The following EIF4G3 variants were observed in gnomAD, a reference collection of about 807,000 sequenced individuals.
The protein encoded by EIF4G3 is eIF-4-gamma 3.
EIF4G3 carries 34 observed loss-of-function variants against 186.4 expected under a neutral mutation model. The ratio of observed to expected loss-of-function variants is 0.18; its 90% CI spans 0.14 to 0.24. EIF4G3 has a LOEUF of 0.24. EIF4G3 is among the 10% of genes least tolerant of loss of function. The probability of loss-of-function intolerance (pLI) is 1.00; values close to 1 mark genes in which losing one functional copy is unlikely to be tolerated. For missense variants in EIF4G3, 1,536 were observed against 1,948.5 expected (o/e 0.79, Z 3.99); for synonymous variants, 673 against 679.5 (o/e 0.99, Z 0.15).
intron 2 of EIF4G3, among the ~76,000 whole-genome samples, chr1:21,172,682 G>A (rs929847181): frequency 2.2e-4 from 33 of 152,022 alleles, no homozygotes; most frequent in Non-Finnish European, 4.6e-4. Flanking sequence ...CCAAGTAGCT[G>A]GGACTACAGG....
intron 7 of EIF4G3, among the ~76,000 whole-genome samples, chr1:20,989,866 G>A (rs1425757507): frequency 6.6e-6 from 1 of 152,166 alleles, no homozygotes; most frequent in Non-Finnish European, 1.5e-5. Flanking sequence ...ATGCTGCAGA[G>A]AAATCTTTCA....
Position 20,981,240 on chromosome 1 carries a change from G to GA in EIF4G3, c.199-14dup, listed in dbSNP as rs199719743. 6.0e-4 allele frequency: 870 copies of GA among 1,449,546 alleles called. No homozygotes were observed. Among genetic ancestry groups the GA allele is most frequent in the Middle Eastern group, 1.4e-3 (7 of 5,126 alleles). 89.8% of individuals were successfully genotyped at this position (1,449,546 alleles called of 1,614,324 possible). A position where few individuals can be genotyped will look rare whatever the true frequency, so the allele number is the denominator to read the frequency against. On this transcript the variant is annotated splice_polypyrimidine_tract_variant and intron_variant, in intron 8 of 36. Transcript: ENST00000602326. The stretch of plus-strand genomic sequence containing the variant: ...GCCTCTGGAAAAACTGGGAAGGGGA[G>GA]AAAAAAAAAATTTTTTTTTTTTTTT...
At chr1:20,940,148 A>C (rs1472086553) in intron 14 of EIF4G3, among the ~76,000 whole-genome samples, 1 of 151,860 alleles carries the variant, frequency 6.6e-6, no homozygotes, top group Non-Finnish European at 1.5e-5. Context: ...GAGCCACTGC[A>C]CCCGGCCCCA....
At chr1:20,903,035 T>C (rs946133965) in intron 15 of EIF4G3, among the ~76,000 whole-genome samples, 5 of 152,268 alleles carry the variant, frequency 3.3e-5, no homozygotes, top group African/African-American at 4.8e-5. Flanking sequence ...AGAAGCTTTA[T>C]AGCAAACTCT....
intron 14 of EIF4G3, among the ~76,000 whole-genome samples, chr1:20,918,194 C>T (rs555607826): frequency 6.6e-6 from 1 of 152,110 alleles, no homozygotes; most frequent in East Asian, 1.9e-4. Context: ...TACAAATAAT[C>T]ACAACCCTAT....
At chr1:21,003,171 C>CTTT (rs376496321) in intron 4 of EIF4G3, among the ~76,000 whole-genome samples, 10 of 106,016 alleles carry the variant, frequency 9.4e-5, no homozygotes, top group African/African-American at 3.3e-4. Flanking sequence ...TAATTTTTTT[C>CTTT]TTTTTTTTTT....
chr1:21,055,088 A>G lies in EIF4G3; in HGVS notation c.-195-4094T>C, dbSNP rs373791443. ...TCACCAAGGAAATTTTTCAAAGGAGAAAAGTTGGATTGCTATTTAAACATC... is the reference window on the plus strand; with the variant it reads ...TCACCAAGGAAATTTTTCAAAGGAGGAAAGTTGGATTGCTATTTAAACATC... On this transcript the variant is annotated intron_variant, in intron 3 of 36. Transcript: ENST00000602326. Among the ~76,000 whole-genome samples the G allele has an allele frequency of 3.4e-4, 52 of 152,308 alleles. No homozygotes were observed. The East Asian group carries it at 8.7e-3, about 25-fold the overall frequency.
chr1:21,124,608 T>C (rs573946936), intron 2 of EIF4G3, among the ~76,000 whole-genome samples: 47 of 152,322 alleles, frequency 3.1e-4, no homozygotes, highest in African/African-American at 9.9e-4. Context: ...CTTCAGAATT[T>C]TGAAATCTCA....
chr1:20,998,212 TACACACACACACACACACACAC>T (rs5772928), intron 6 of EIF4G3, among the ~76,000 whole-genome samples: 13 of 148,474 alleles, frequency 8.8e-5, no homozygotes, highest in African/African-American at 2.7e-4. Context: ...TTTATGACTT[TACACACACACACACACACACAC>T]ACACACACAC....
At chr1:21,121,666 T>C (rs2096926900) in intron 2 of EIF4G3, among the ~76,000 whole-genome samples, 1 of 151,642 alleles carries the variant, frequency 6.6e-6, no homozygotes, top group Non-Finnish European at 1.5e-5. Context: ...TCCCAGCTAC[T>C]CGGGAGGCTA....
At chr1:20,938,824 G>C (rs189595200) in intron 14 of EIF4G3, among the ~76,000 whole-genome samples, 278 of 152,138 alleles carry the variant, frequency 1.8e-3, no homozygotes, top group African/African-American at 6.3e-3. Context: ...TTTACAAACT[G>C]CTGGCCAGGT....
At chr1:20,897,479 C>T (rs1231095728) in intron 16 of EIF4G3, among the ~76,000 whole-genome samples, 1 of 150,632 alleles carries the variant, frequency 6.6e-6, no homozygotes, top group African/African-American at 2.4e-5. Context: ...ACTGTCTATG[C>T]AGTTAGATAC....
chr1:20,860,649 T>C, intron 23 of EIF4G3, 132 bp from the exon 24 acceptor site: 3 of 1,019,916 alleles, frequency 2.9e-6, no homozygotes, highest in Non-Finnish European at 2.8e-6. Flanking sequence ...TTCTCATGTA[T>C]CTTATAGATG....
chr1:20,865,051 T>C, intron 21 of EIF4G3, 65 bp downstream of exon 21: 5 of 1,578,328 alleles, frequency 3.2e-6, no homozygotes, highest in Non-Finnish European at 4.3e-6. Flanking sequence ...GTATCTAGCT[T>C]CCTGAAATTT....
intron 2 of EIF4G3, among the ~76,000 whole-genome samples, chr1:21,159,176 T>C (rs1451603649): frequency 6.6e-6 from 1 of 152,160 alleles, no homozygotes; most frequent in African/African-American, 2.4e-5. Flanking sequence ...CTCAGGCCTA[T>C]AATCCCAACA....
chr1:20,822,587 TC>T (rs2062691589), intron 33 of EIF4G3, among the ~76,000 whole-genome samples: 2 of 150,120 alleles, frequency 1.3e-5, no homozygotes. Flanking sequence ...TGTTCTAATT[TC>T]TTTTTTTTTT....
chr1:21,077,893 A>C (rs1297809023), intron 3 of EIF4G3, among the ~76,000 whole-genome samples: 2 of 151,866 alleles, frequency 1.3e-5, no homozygotes, highest in Non-Finnish European at 2.9e-5. Flanking sequence ...AAAAAAAAAA[A>C]AAAACAACAA....
intron 20 of EIF4G3, among the ~76,000 whole-genome samples, chr1:20,876,222 C>CAAAAAAAA (rs34150070): frequency 7.1e-5 from 1 of 13,998 alleles, no homozygotes; most frequent in Non-Finnish European, 1.5e-4. Flanking sequence ...GAGCCTGTCT[C>CAAAAAAAA]AAAAAAAAAA....
chr1:21,052,547 T>TCC (rs2094285683), intron 3 of EIF4G3, among the ~76,000 whole-genome samples: 1 of 151,726 alleles, frequency 6.6e-6, no homozygotes, highest in Admixed American at 6.6e-5. Flanking sequence ...CTCCCTCCTC[T>TCC]CCCTCTCCCT....
Sources: gnomAD v4.1 joint callset for allele counts (sites outside exome capture counted in the v4.1 genomes callset) on GRCh38, gnomAD v4.1.1 for gene constraint, MANE v1.5 for transcripts, NCBI Gene and HGNC (gene_info 2026-07-23, HGNC 2026-07-21) for gene names.